CTNNA2: variants seen among roughly 807,000 people sequenced by gnomAD.
CTNNA2 encodes catenin alpha-2.
In CTNNA2, 42 loss-of-function variants were observed where a neutral mutation model predicts 101.0. The observed-to-expected ratio is 0.42, with a 90% CI of 0.32 to 0.54. The LOEUF is 0.54. CTNNA2 is among the 20% of genes least tolerant of loss of function. The probability of loss-of-function intolerance (pLI) is 0.14; values close to 1 mark genes in which losing one functional copy is unlikely to be tolerated. For missense variants in CTNNA2, 871 were observed against 1,223.1 expected, an observed-to-expected ratio of 0.71 and a Z score of 4.29; for synonymous variants, 450 against 456.4, an observed-to-expected ratio of 0.99 and a Z score of 0.18.
chr2:79,694,978 G>A (rs1412442467), intron 2 of CTNNA2, among the ~76,000 whole-genome samples: 2 of 145,628 alleles, frequency 1.4e-5, no homozygotes, highest in Non-Finnish European at 3.0e-5. Flanking sequence ...AGCCTAAAGC[G>A]GCATCATTTA....
intron 2 of CTNNA2, among the ~76,000 whole-genome samples, chr2:79,240,519 C>A (rs1377426543): frequency 6.6e-6 from 1 of 152,076 alleles, no homozygotes; most frequent in African/African-American, 2.4e-5. Context: ...ACCTCCAGCT[C>A]CATCCATGTT....
chr2:80,622,566 C>G (rs759614331), intron 18 of CTNNA2, among the ~76,000 whole-genome samples: 3 of 151,842 alleles, frequency 2.0e-5, no homozygotes, highest in Admixed American at 1.3e-4. Flanking sequence ...CTAAGTAAAA[C>G]TGAACATGAT....
intron 3 of CTNNA2, among the ~76,000 whole-genome samples, chr2:79,794,620 G>A (rs962708731): frequency 6.6e-6 from 1 of 152,018 alleles, no homozygotes; most frequent in Non-Finnish European, 1.5e-5. Context: ...AGTCTTAAGC[G>A]TACAATATTT....
At chr2:80,052,839 G>A (rs1003762641) in intron 7 of CTNNA2, among the ~76,000 whole-genome samples, 1 of 152,188 alleles carries the variant, frequency 6.6e-6, no homozygotes, top group Non-Finnish European at 1.5e-5. Context: ...CAAACTCAAG[G>A]AAGCAGCTTC....
intron 7 of CTNNA2, among the ~76,000 whole-genome samples, chr2:80,173,685 G>C (rs1320404072): frequency 6.6e-6 from 1 of 152,128 alleles, no homozygotes; most frequent in African/African-American, 2.4e-5. Context: ...ATGCTGGTGA[G>C]GGGGATCAGA....
chr2:80,566,082 A>C (rs1694037723), intron 12 of CTNNA2, among the ~76,000 whole-genome samples: 1 of 152,210 alleles, frequency 6.6e-6, no homozygotes, highest in Non-Finnish European at 1.5e-5. Context: ...CTTAGGGCAT[A>C]GCTATTTTTA....
At chr2:79,886,727 G>C (rs1176412855) in intron 6 of CTNNA2, among the ~76,000 whole-genome samples, 73 of 105,150 alleles carry the variant, frequency 6.9e-4, no homozygotes, top group Non-Finnish European at 6.5e-4. Flanking sequence ...CTCCAGCCTG[G>C]GTGACAGAGC....
At chr2:80,641,754 G>A (rs1029964852) in intron 18 of CTNNA2, among the ~76,000 whole-genome samples, 3 of 151,774 alleles carry the variant, frequency 2.0e-5, no homozygotes, top group African/African-American at 4.8e-5. Context: ...TGTTGATGAC[G>A]TTATATCTTA....
chr2:79,621,145 A>G (rs1355751799), intron 1 of CTNNA2, among the ~76,000 whole-genome samples: 1 of 152,170 alleles, frequency 6.6e-6, no homozygotes, highest in African/African-American at 2.4e-5. Flanking sequence ...TTTCAGGAAG[A>G]GTAGTTTCAC....
At position 79,464,718 on chromosome 2, in the gene CTNNA2, A is replaced by G. The variant is rs182110367; in HGVS notation, c.-134-40336A>G. ...GTATCTCATTGTGGTTTTGATTTGC[A>G]TTTCTTTGATGGCCAATGATGATGA... On this transcript the variant is annotated intron_variant, in intron 4 of 21. Coordinates refer to the CTNNA2 transcript ENST00000466387. Among the ~76,000 whole-genome samples the G allele has an allele frequency of 1.0e-2, 1,514 of 152,130 alleles. 71 individuals are homozygous for G. The East Asian group carries it at 0.11, about 11-fold the overall frequency.
chr2:79,744,772 C>T (rs941838832), intron 3 of CTNNA2, among the ~76,000 whole-genome samples, 190 bp downstream of exon 3: 2 of 152,070 alleles, frequency 1.3e-5, no homozygotes, highest in African/African-American at 4.8e-5. Flanking sequence ...CAGTATGGTA[C>T]AGCTACAAAC....
At chr2:79,375,131 T>G (rs950901171) in intron 4 of CTNNA2, among the ~76,000 whole-genome samples, 1 of 152,198 alleles carries the variant, frequency 6.6e-6, no homozygotes, top group East Asian at 1.9e-4. Flanking sequence ...TATTTCATTC[T>G]GTTCTGCATC....
intron 3 of CTNNA2, among the ~76,000 whole-genome samples, chr2:79,772,066 A>G (rs1673631250): frequency 6.8e-6 from 1 of 146,704 alleles, no homozygotes; most frequent in Non-Finnish European, 1.5e-5. Flanking sequence ...GAGGATAGAG[A>G]AGACTTGCTA....
chr2:80,428,266 A>G (rs1394634165), intron 9 of CTNNA2, among the ~76,000 whole-genome samples: 2 of 152,226 alleles, frequency 1.3e-5, no homozygotes. Context: ...TATTGAGTTC[A>G]TTGGAAGGTT....
At chr2:79,647,308 T>A (rs564476322) in intron 1 of CTNNA2, among the ~76,000 whole-genome samples, 1 of 152,320 alleles carries the variant, frequency 6.6e-6, no homozygotes, top group African/African-American at 2.4e-5. Flanking sequence ...GAAATTTAAA[T>A]TTGGGAAAAT....
intron 2 of CTNNA2, among the ~76,000 whole-genome samples, chr2:79,288,045 A>G (rs536559047): frequency 6.6e-6 from 1 of 152,328 alleles, no homozygotes; most frequent in African/African-American, 2.4e-5. Flanking sequence ...TTTGACTAGG[A>G]AAGGGAACTC....
chr2:79,938,840 T>C (rs1430833578), intron 7 of CTNNA2, among the ~76,000 whole-genome samples: 1 of 152,202 alleles, frequency 6.6e-6, no homozygotes, highest in African/African-American at 2.4e-5. Context: ...AGATTTTAAT[T>C]GGGTTTTAAA....
chr2:79,550,479 C>G (rs1342034416), intron 1 of CTNNA2, among the ~76,000 whole-genome samples: 2 of 152,248 alleles, frequency 1.3e-5, no homozygotes, highest in East Asian at 3.9e-4. Flanking sequence ...GTAGGCCTCA[C>G]ACCACATCAT....
chr2:79,747,810 G>A (rs760048041), intron 3 of CTNNA2, among the ~76,000 whole-genome samples: 46 of 151,952 alleles, frequency 3.0e-4, no homozygotes, highest in African/African-American at 1.1e-3. Flanking sequence ...TTATATTATC[G>A]ATTTCTTCTT....
Sources: allele counts gnomAD v4.1 joint callset (sites outside exome capture counted in the v4.1 genomes callset), GRCh38; gene constraint gnomAD v4.1.1; transcripts MANE v1.5; gene names NCBI Gene and HGNC (gene_info 2026-07-23, HGNC 2026-07-21).